The following ABCG5 variants were observed in gnomAD, a reference collection of about 807,000 sequenced individuals.
ABCG5 encodes ATP binding cassette subfamily G member 5.
In ABCG5, 64 loss-of-function variants were observed where a neutral mutation model predicts 64.5. That is an observed-to-expected ratio of 0.99 (90% CI 0.81 to 1.22). The LOEUF (loss-of-function observed/expected upper bound fraction) is 1.22, where lower values mean the gene tolerates loss of function less well. ABCG5 is among the 50% of genes most tolerant of loss of function. ABCG5 has a pLI of 0.00. For synonymous variants in ABCG5, 385 were observed against 326.3 expected, an observed-to-expected ratio of 1.18 and a Z score of -1.94; for missense variants, 908 against 829.5, an observed-to-expected ratio of 1.09 and a Z score of -1.16.
At chr2:43,823,089 C>A (rs1474186047) in intron 9 of ABCG5, among the ~76,000 whole-genome samples, 154 bp from the exon 10 acceptor site, 2 of 142,204 alleles carry the variant, frequency 1.4e-5, no homozygotes, top group Non-Finnish European at 3.1e-5. Flanking sequence ...CTGCCATCCA[C>A]AGGACAATAA....
At chr2:43,817,417 GGAGGTTGCAGTGAGCCGA>G (rs1666906806) in intron 11 of ABCG5, among the ~76,000 whole-genome samples, 1 of 152,050 alleles carries the variant, frequency 6.6e-6, no homozygotes, top group Non-Finnish European at 1.5e-5. Context: ...CCTGAGAGAC[GGAGGTTGCAGTGAGCCGA>G]GATCGTGCCA....
At chr2:43,814,641 T>C in intron 11 of ABCG5, 52 bp from the exon 12 acceptor site, 1 of 1,062,812 alleles carries the variant, frequency 9.4e-7, no homozygotes, top group Non-Finnish European at 1.4e-6. Flanking sequence ...GCAATAGTCC[T>C]ACCAAATGAA....
In ABCG5 at chr2:43,838,046, ACC is replaced by A; in HGVS notation, c.144-93_144-92del. The A allele has an allele frequency of 6.4e-7, 1 of 1,562,924 alleles. No homozygotes were observed. Among genetic ancestry groups the A allele is most frequent in the Non-Finnish European group, 8.8e-7 (1 of 1,140,024 alleles). ...CCAGCATTGATCCTACCTGTGCCCC[ACC>A]CCAGTAGTCTCCGGACAGGCTCCTA... is the stretch of plus-strand genomic sequence containing the variant. On this transcript the variant is annotated intron_variant, in intron 1 of 12. Coordinates refer to ENST00000405322, the MANE Select transcript of ABCG5 (RefSeq NM_022436.3). This position sits in a 1 kb window ranked among gnomAD's most constrained non-coding sequence, Gnocchi z 4.2.
intron 9 of ABCG5, 118 bp from the exon 10 acceptor site, chr2:43,823,053 G>A (rs1364796223): frequency 3.5e-6 from 5 of 1,411,330 alleles, no homozygotes; most frequent in South Asian, 2.5e-5. Flanking sequence ...AGCTAGGGGG[G>A]TTCCCTAGTC....
chr2:43,824,509 G>C, intron 7 of ABCG5, 77 bp from the exon 8 acceptor site: 1 of 1,598,424 alleles, frequency 6.3e-7, no homozygotes, highest in Non-Finnish European at 8.5e-7. Flanking sequence ...ATTGGTACAG[G>C]AGTACTGGCC....
chr2:43,838,378 C>T lies in ABCG5; in HGVS notation c.143+159G>A, dbSNP rs72796736. On this transcript the variant is annotated intron_variant, in intron 1 of 12. Coordinates refer to ENST00000405322, the MANE Select transcript of ABCG5 (RefSeq NM_022436.3). This position sits in a 1 kb window ranked among gnomAD's most constrained non-coding sequence, Gnocchi z 4.2. ...CCATTCACTGTCGCTCCATGTTTCC[C>T]AGCACAGCCCTTCTCCCTCTCCTCT... The T allele has an allele frequency of 7.0e-6, 5 of 716,548 alleles. No individual in the cohort carries two copies. Among genetic ancestry groups the T allele is most frequent in the Non-Finnish European group, 1.1e-5 (5 of 438,920 alleles). The allele number at this position is 716,548 out of a possible 1,614,324, so 44.4% of individuals were successfully genotyped here.
At position 43,825,024 on chromosome 2, in the gene ABCG5, C is replaced by G; in HGVS notation, c.775-6G>C. 1 of 1,613,268 alleles carries G rather than the reference C, an allele frequency of 6.2e-7. No homozygotes were observed. The highest frequency in any genetic ancestry group is 8.5e-7 in the Non-Finnish European group (1 of 1,179,614). The stretch of plus-strand genomic sequence containing the variant: ...ATGGCAATTTTGTCAAAGAGCTGAC[C>G]AGACAACAGACGTAGTTAGTGTGTG... On this transcript the variant is annotated splice_polypyrimidine_tract_variant and splice_region_variant and intron_variant, in intron 6 of 12. Coordinates refer to ENST00000405322, the MANE Select transcript of ABCG5 (RefSeq NM_022436.3).
chr2:43,813,299 A>G lies in ABCG5; in HGVS notation c.1773T>C (p.Asn591=). The stretch of plus-strand genomic sequence containing the variant: ...ACATTGGATTAGTTGTCACAGAAAC[A>G]TTTGAGCTGCCTGTCAAGGAAAAGA... ...YGLNFTCGSS[N]VSVTTNPMCA... is the part of the protein sequence containing the mutation. Residue 591 remains asparagine, a synonymous_variant, in exon 13 of 13, where the codon AAT becomes AAC. Transcript: ENST00000405322. The G allele has an allele frequency of 1.2e-6, 2 of 1,612,560 alleles. No individual in the cohort carries two copies. Among genetic ancestry groups the G allele is most frequent in the Non-Finnish European group, 1.7e-6 (2 of 1,178,920 alleles).
At chr2:43,834,905 G>C (rs1308061014) in intron 2 of ABCG5, among the ~76,000 whole-genome samples, 15 of 152,228 alleles carry the variant, frequency 9.9e-5, no homozygotes, top group Admixed American at 8.5e-4. Flanking sequence ...CGCTAATGAA[G>C]ATTTGATAGA....
intron 12 of ABCG5, 74 bp from the exon 13 acceptor site, chr2:43,813,383 G>A (rs1394932671): frequency 1.0e-5 from 11 of 1,065,400 alleles, no homozygotes; most frequent in African/African-American, 4.7e-5. Context: ...TTTACCAAGC[G>A]CTTGCTAAGT....
rs113881049 is a variant in ABCG5 at position 43,818,607 on chromosome 2, A to G, written c.1649+1308T>C. ...AAATGCTGCCCAAGGTTGGCTCTGT[A>G]CATTGCTGGCTTGATTCTGTACTCT... On this transcript the variant is annotated intron_variant, in intron 11 of 12. Coordinates refer to ENST00000405322, the MANE Select transcript of ABCG5 (RefSeq NM_022436.3). 2.1e-3 allele frequency among the ~76,000 whole-genome samples: 316 copies of G among 152,320 alleles called. 1 individual carries two copies. The highest frequency in any genetic ancestry group is 7.2e-3 in the African/African-American group (300 of 41,574).
intron 4 of ABCG5, among the ~76,000 whole-genome samples, chr2:43,829,407 C>A (rs900399308): frequency 6.6e-6 from 1 of 152,122 alleles, no homozygotes; most frequent in African/African-American, 2.4e-5. Context: ...AATTTATAAC[C>A]CCCAGCCACA....
Position 43,812,547 on chromosome 2 carries a change from C to T in ABCG5, c.*569G>A, listed in dbSNP as rs915640053. On this transcript the variant is annotated 3_prime_UTR_variant, in exon 13 of 13. Coordinates refer to ENST00000405322, the MANE Select transcript of ABCG5 (RefSeq NM_022436.3). ...CACTGGGTGCTCTGTAGCAGTGGTGCTCACCATCCATCTGCCCAGCACTCT... is the reference window on the plus strand; with the variant it reads ...CACTGGGTGCTCTGTAGCAGTGGTGTTCACCATCCATCTGCCCAGCACTCT... 2 of 154,598 alleles carry T rather than the reference C, an allele frequency of 1.3e-5. No homozygotes were observed. Among genetic ancestry groups the T allele is most frequent in the Admixed American group, 6.4e-5 (1 of 15,736 alleles). 9.6% of individuals were successfully genotyped at this position (154,598 alleles called of 1,614,324 possible).
In ABCG5 at chr2:43,826,541, A is replaced by G. The variant is rs1346847887; in HGVS notation, c.635-20T>C. 1 of 1,614,200 alleles carries G rather than the reference A, an allele frequency of 6.2e-7. No individual in the cohort carries two copies. Among genetic ancestry groups the G allele is most frequent in the Admixed American group, 1.7e-5 (1 of 60,028 alleles). ...TGACCTCTGCCAGCAAAGAAGGGCCAGACTTCTAAGGTAGTGCAGAGCCCA... is the reference window on the plus strand; with the variant it reads ...TGACCTCTGCCAGCAAAGAAGGGCCGGACTTCTAAGGTAGTGCAGAGCCCA... On this transcript the variant is annotated intron_variant, in intron 5 of 12. Transcript: ENST00000405322.
At chr2:43,825,408 G>C (rs781753384) in intron 6 of ABCG5, among the ~76,000 whole-genome samples, 86 of 152,088 alleles carry the variant, frequency 5.7e-4, no homozygotes, top group Non-Finnish European at 1.1e-3. Context: ...TTAAATCTCA[G>C]CTCCTCCTCT....
intron 4 of ABCG5, among the ~76,000 whole-genome samples, chr2:43,828,881 C>T (rs1179223319): frequency 1.4e-5 from 2 of 142,918 alleles, no homozygotes; most frequent in Non-Finnish European, 3.1e-5. Flanking sequence ...AGGAGAATTG[C>T]TTGAACCCGG....
At chr2:43,837,770 G>A (rs2104894016) in intron 2 of ABCG5, 64 bp downstream of exon 2, 2 of 1,606,390 alleles carry the variant, frequency 1.2e-6, no homozygotes, top group Non-Finnish European at 1.7e-6. Context: ...AACTTAATCT[G>A]TTTCTTCAAT....
intron 6 of ABCG5, 119 bp downstream of exon 6, chr2:43,826,263 G>T: frequency 6.7e-7 from 1 of 1,487,902 alleles, no homozygotes. Flanking sequence ...GCCTCCCAAA[G>T]TGCTGGAATT....
rs780730956 is a variant in ABCG5, at chr2:43,828,033, G to T, written c.584C>A (p.Thr195Lys). Residue 195 changes from threonine (T) to lysine (K), a missense_variant, in exon 5 of 13, where the codon ACG becomes AAG. Transcript: ENST00000405322. ...GATGGAGACCCGGCGCCGCTCACCC[G>T]TGGAAATGCCCCCCAAGCTGTAGTT... ...IGNYSLGGIS[T>K]GERRRVSIAA... is the part of the protein sequence containing the mutation. 10 of 1,614,104 alleles carry T rather than the reference G, an allele frequency of 6.2e-6. No homozygotes were observed. The South Asian group carries it at 8.8e-5, about 14-fold the overall frequency.
Sources: allele counts gnomAD v4.1 joint callset (sites outside exome capture counted in the v4.1 genomes callset), GRCh38; gene constraint gnomAD v4.1.1; non-coding constraint Gnocchi (gnomAD v3.1); transcripts MANE v1.5; gene names NCBI Gene and HGNC (gene_info 2026-07-23, HGNC 2026-07-21).